The following ZNF185 variants were observed in gnomAD, a reference collection of about 807,000 sequenced individuals.
The protein encoded by ZNF185 is zinc finger protein 185.
ZNF185 carries 56 observed loss-of-function variants against 58.6 expected under a neutral mutation model. The observed-to-expected ratio is 0.95, with a 90% CI of 0.77 to 1.19. ZNF185 has a LOEUF of 1.19. Ranked by LOEUF, ZNF185 falls within the 50% of genes most tolerant of loss-of-function variation. The pLI is 0.00. For missense variants in ZNF185, 627 were observed against 573.5 expected, an observed-to-expected ratio of 1.09 and a Z score of -0.95; for synonymous variants, 230 against 215.9, an observed-to-expected ratio of 1.07 and a Z score of -0.57.
At chrX:152,929,428 C>T (rs1287047964) in intron 12 of ZNF185, among the ~76,000 whole-genome samples, 1 of 110,874 alleles carries the variant, frequency 9.0e-6, no homozygotes, top group African/African-American at 3.3e-5. Flanking sequence ...GAAGGTCATC[C>T]CTTAATCCCT....
chrX:152,924,271 T>C (rs1940388198), intron 11 of ZNF185, among the ~76,000 whole-genome samples: 1 of 110,473 alleles, frequency 9.1e-6, no homozygotes, highest in Non-Finnish European at 1.9e-5. Flanking sequence ...CAGGCCACCA[T>C]ACCCAGCTAG....
chrX:152,947,966 AAAG>A, intron 16 of ZNF185, among the ~76,000 whole-genome samples: 1 of 112,511 alleles, frequency 8.9e-6, no homozygotes, highest in Middle Eastern at 4.2e-3. Flanking sequence ...TATAAAATGA[AAAG>A]AAGTAAAAAT....
exon 14 of ZNF185, chrX:152,932,954 C>T (rs782786998): frequency 1.1e-5 from 13 of 1,195,583 alleles, no homozygotes; most frequent in South Asian, 5.5e-5. Context: ...CAGTAGACAT[C>T]GGCTCCGAGA....
chrX:152,962,119 A>C (rs1202412253), intron 17 of ZNF185, among the ~76,000 whole-genome samples: 3 of 111,176 alleles, frequency 2.7e-5, no homozygotes, highest in Non-Finnish European at 5.7e-5. Context: ...CATTGTGGAC[A>C]AAGAAGATAG....
At chrX:152,963,532 C>T (rs1477212334) in intron 17 of ZNF185, among the ~76,000 whole-genome samples, 1 of 111,804 alleles carries the variant, frequency 8.9e-6, no homozygotes, top group Non-Finnish European at 1.9e-5. Flanking sequence ...CTGTCACATC[C>T]CCGGGAGCCC....
chrX:152,905,441 C>T, the ZNF185 span, among the ~76,000 whole-genome samples: 7 of 112,055 alleles, frequency 6.2e-5, no homozygotes, highest in Non-Finnish European at 1.3e-4. Context: ...CATGACACTG[C>T]GAGGGGTTTG....
intron 7 of ZNF185, among the ~76,000 whole-genome samples, chrX:152,919,412 T>G (rs1939238867): frequency 9.0e-6 from 1 of 111,181 alleles, no homozygotes; most frequent in Non-Finnish European, 1.9e-5. Context: ...ACAAAAATAT[T>G]CAGGGAGAAG....
intron 16 of ZNF185, among the ~76,000 whole-genome samples, chrX:152,946,221 T>C (rs1556895035): frequency 1.8e-5 from 2 of 112,230 alleles, no homozygotes; most frequent in South Asian, 3.7e-4. Context: ...AAGACTCATA[T>C]TGCCCCGAGA....
intron 17 of ZNF185, among the ~76,000 whole-genome samples, chrX:152,960,766 T>C (rs1280864267): frequency 5.3e-5 from 6 of 112,629 alleles, no homozygotes; most frequent in Non-Finnish European, 1.1e-4. Context: ...CATGGAAAAC[T>C]GGAGTTGTTG....
At chrX:152,905,994 G>A in the ZNF185 span, among the ~76,000 whole-genome samples, 2 of 112,698 alleles carry the variant, frequency 1.8e-5, no homozygotes, top group African/African-American at 3.2e-5. Context: ...GGACTGGGGG[G>A]AAAGGTGTAG....
the ZNF185 span, among the ~76,000 whole-genome samples, chrX:152,908,726 G>A: frequency 2.6e-5 from 3 of 113,382 alleles, no homozygotes; most frequent in Non-Finnish European, 5.6e-5. Context: ...CGAGGCCGTC[G>A]TGCATGGGCT....
intron 11 of ZNF185, among the ~76,000 whole-genome samples, chrX:152,925,508 A>G (rs1940692549): frequency 8.9e-6 from 1 of 112,026 alleles, no homozygotes; most frequent in Non-Finnish European, 1.9e-5. Context: ...GTCCGGGGCA[A>G]GCTCCCAACA....
At chrX:152,939,614 G>C (rs1460648009) in intron 15 of ZNF185, among the ~76,000 whole-genome samples, 2 of 111,040 alleles carry the variant, frequency 1.8e-5, no homozygotes, top group Non-Finnish European at 3.8e-5. Flanking sequence ...CCCAAACGTG[G>C]AAAAGGATAA....
At chrX:152,939,153 T>C (rs2046833381) in intron 15 of ZNF185, among the ~76,000 whole-genome samples, 1 of 112,176 alleles carries the variant, frequency 8.9e-6, no homozygotes, top group Non-Finnish European at 1.9e-5. Flanking sequence ...GTTTAAAAGG[T>C]GAATGCATGT....
Position 152,931,657 on chromosome X carries a change from T to C in ZNF185, c.918-15T>C. On this transcript the variant is annotated splice_polypyrimidine_tract_variant and intron_variant, in intron 12 of 22. Transcript: ENST00000449285. ...TGGCTGCTGCATGGTTAACTTCCAT[T>C]TCTTTCCTCCATAGGTCTTCCCCAG... The C allele has an allele frequency of 8.4e-7, 1 of 1,194,479 alleles. No homozygotes were observed. The highest frequency in any genetic ancestry group is 1.8e-5 in the South Asian group (1 of 54,810).
chrX:152,939,260 G>A (rs1037359123), intron 15 of ZNF185, among the ~76,000 whole-genome samples: 6 of 109,146 alleles, frequency 5.5e-5, no homozygotes, highest in Non-Finnish European at 1.2e-4. Context: ...AGGCCTTATT[G>A]TGTTTCTTTT....
chrX:152,964,476 A>G (rs142664976), intron 18 of ZNF185, among the ~76,000 whole-genome samples: 1,335 of 112,225 alleles, frequency 0.012, 13 homozygotes, highest in Non-Finnish European at 0.02. Flanking sequence ...GAGCAGGAAC[A>G]AGAGTGAGGA....
At chrX:152,920,567 T>C in intron 8 of ZNF185, 140 bp from the exon 10 acceptor site, 2 of 953,612 alleles carry the variant, frequency 2.1e-6, no homozygotes, top group Admixed American at 2.6e-5. Flanking sequence ...TTCTAGAAAA[T>C]GGAGAGGTCT....
chrX:152,968,589 C>T (rs782187666), intron 20 of ZNF185, among the ~76,000 whole-genome samples: 1 of 112,769 alleles, frequency 8.9e-6, no homozygotes, highest in East Asian at 2.8e-4. Context: ...AACCCTGGGC[C>T]AGCAGCAGGA....
Sources: gnomAD v4.1 joint callset for allele counts (sites outside exome capture counted in the v4.1 genomes callset) on GRCh38, gnomAD v4.1.1 for gene constraint, MANE v1.5 for transcripts, NCBI Gene and HGNC (gene_info 2026-07-23, HGNC 2026-07-21) for gene names.